The following PCDHA2 variants were observed in gnomAD, a reference collection of about 807,000 sequenced individuals.
The protein encoded by PCDHA2 is protocadherin alpha-2.
In PCDHA2, 58 loss-of-function variants were observed where a neutral mutation model predicts 66.0. The ratio of observed to expected loss-of-function variants is 0.88; its 90% CI spans 0.71 to 1.09. The LOEUF (loss-of-function observed/expected upper bound fraction) is 1.09, where lower values mean the gene tolerates loss of function less well. PCDHA2 is among the 50% of genes least tolerant of loss of function. The probability of loss-of-function intolerance (pLI) is 0.00; values close to 1 mark genes in which losing one functional copy is unlikely to be tolerated. For missense variants in PCDHA2, 1,267 were observed against 1,242.3 expected, an observed-to-expected ratio of 1.02 and a Z score of -0.30; for synonymous variants, 634 against 554.0, an observed-to-expected ratio of 1.14 and a Z score of -2.03.
chr5:140,841,675 T>C (rs2150320492), intron 1 of PCDHA2: 8 of 1,613,878 alleles, frequency 5.0e-6, no homozygotes, highest in East Asian at 2.2e-5. Context: ...AGGTTTTCCA[T>C]GTGGACGTGG....
intron 1 of PCDHA2, among the ~76,000 whole-genome samples, chr5:140,896,506 A>G (rs1231827987): frequency 2.7e-5 from 4 of 150,856 alleles, no homozygotes; most frequent in African/African-American, 9.7e-5. Flanking sequence ...GGGACTGTGC[A>G]GGCACACACC....
In PCDHA2 at chr5:140,807,042, T is replaced by G. The variant is rs528440968; in HGVS notation, c.2388+9690T>G. 1.2e-4 allele frequency: 119 copies of G among 977,288 alleles called. 2 individuals are homozygous for G. In the South Asian group the frequency reaches 1.9e-3, roughly 16 times the overall value. 60.5% of individuals were successfully genotyped at this position (977,288 alleles called of 1,614,324 possible). A position where few individuals can be genotyped will look rare whatever the true frequency, so the allele number is the denominator to read the frequency against. ...GAGAGAAGGAGGAAGAAGGGAAAAT[T>G]CCTTCTATTCTTACTGGAAGGAACC... On this transcript the variant is annotated intron_variant, in intron 1 of 3. Transcript: ENST00000526136.
intron 1 of PCDHA2, among the ~76,000 whole-genome samples, chr5:140,874,637 AC>A (rs1177845104): frequency 4.6e-5 from 7 of 152,256 alleles, no homozygotes; most frequent in African/African-American, 1.7e-4. Flanking sequence ...AAAGTGCTTT[AC>A]TTTTGCTAGA....
intron 1 of PCDHA2, chr5:140,823,348 G>T (rs2150124872): frequency 1.2e-6 from 2 of 1,612,460 alleles, no homozygotes; most frequent in Non-Finnish European, 1.7e-6. Flanking sequence ...GCTGGACCAC[G>T]AGGAAGTGGA....
intron 1 of PCDHA2, among the ~76,000 whole-genome samples, chr5:140,886,840 A>G (rs1175023921): frequency 4.0e-5 from 6 of 151,546 alleles, no homozygotes; most frequent in South Asian, 2.1e-4. Context: ...AAAAAAAAAA[A>G]AAAAAAAGAA....
chr5:140,849,946 C>T (rs2041246534), intron 1 of PCDHA2: 5 of 1,597,770 alleles, frequency 3.1e-6, no homozygotes, highest in East Asian at 2.2e-5. Flanking sequence ...GACGCTGACG[C>T]GCAGGAGAAC....
intron 1 of PCDHA2, chr5:140,969,388 A>G: frequency 6.3e-7 from 1 of 1,595,066 alleles, no homozygotes; most frequent in Non-Finnish European, 8.5e-7. Flanking sequence ...CACATCCCCC[A>G]ATATCCTGTG....
rs556069691 is a variant in PCDHA2 at position 140,951,526 on chromosome 5, G to A, written c.2389-27423G>A. Among the ~76,000 whole-genome samples the A allele has an allele frequency of 7.4e-4, 112 of 152,076 alleles. 1 individual carries two copies. The highest frequency in any genetic ancestry group is 2.6e-3 in the African/African-American group (107 of 41,516). ...GGAAAGCGGCTCATCTTACATGGCC[G>A]GTGCAGGAGCAAGGGACGGGGGGAA... is the stretch of plus-strand genomic sequence containing the variant. On this transcript the variant is annotated intron_variant, in intron 1 of 3. Transcript: ENST00000526136.
At chr5:140,974,827 G>T (rs1356890991) in intron 1 of PCDHA2, among the ~76,000 whole-genome samples, 1 of 152,182 alleles carries the variant, frequency 6.6e-6, no homozygotes. Context: ...GCAACATAAT[G>T]ATTATTTTAA....
intron 1 of PCDHA2, among the ~76,000 whole-genome samples, chr5:140,901,565 G>A (rs1554189898): frequency 6.6e-6 from 1 of 152,062 alleles, no homozygotes; most frequent in African/African-American, 2.4e-5. Context: ...CTATGTGTCT[G>A]TTTTTATGCC....
At chr5:140,982,900 C>G (rs1443607900) in intron 3 of PCDHA2, among the ~76,000 whole-genome samples, 1 of 151,932 alleles carries the variant, frequency 6.6e-6, no homozygotes, top group African/African-American at 2.4e-5. Flanking sequence ...ATCTGGTGGC[C>G]TTATGCACAG....
At chr5:140,943,547 C>T (rs1376489824) in intron 1 of PCDHA2, among the ~76,000 whole-genome samples, 20 of 152,104 alleles carry the variant, frequency 1.3e-4, no homozygotes, top group African/African-American at 4.6e-4. Context: ...TGTAAATAGA[C>T]GTAGACAATA....
intron 1 of PCDHA2, among the ~76,000 whole-genome samples, chr5:140,908,751 C>T (rs1302522906): frequency 6.6e-6 from 1 of 152,170 alleles, no homozygotes; most frequent in Non-Finnish European, 1.5e-5. Context: ...GCAACTTGCA[C>T]ACAGCCTGGA....
At chr5:140,927,725 C>CA in intron 1 of PCDHA2, 1 of 1,614,202 alleles carries the variant, frequency 6.2e-7, no homozygotes, top group Non-Finnish European at 8.5e-7. Context: ...AGCACGCAAG[C>CA]AGAGCTGCGA....
intron 1 of PCDHA2, chr5:140,877,297 T>C (rs782559386): frequency 6.2e-7 from 1 of 1,613,924 alleles, no homozygotes; most frequent in East Asian, 2.2e-5. Context: ...TTGGCTGTCC[T>C]ACGAGTTGCA....
intron 1 of PCDHA2, chr5:140,824,078 T>A: frequency 6.2e-7 from 1 of 1,614,194 alleles, no homozygotes; most frequent in South Asian, 1.1e-5. Flanking sequence ...AAAACAGACC[T>A]CATGGCCTTC....
chr5:140,851,363 A>C lies in PCDHA2; in HGVS notation c.2388+54011A>C. 5 of 979,054 alleles carry C rather than the reference A, an allele frequency of 5.1e-6. 1 individual carries two copies. Among genetic ancestry groups the C allele is most frequent in the Non-Finnish European group, 6.2e-6 (5 of 807,194 alleles). 60.6% of individuals were successfully genotyped at this position (979,054 alleles called of 1,614,324 possible). On this transcript the variant is annotated intron_variant, in intron 1 of 3. Coordinates refer to ENST00000526136, the MANE Select transcript of PCDHA2 (RefSeq NM_018905.3). ...ATTTCTCTGGATGGAGACTGTGAAC[A>C]TCTGATTGTTCAGCAACCTTCAGTA...
At chr5:140,927,133 G>A (rs2083881073) in intron 1 of PCDHA2, 16 of 1,613,984 alleles carry the variant, frequency 9.9e-6, no homozygotes, top group Non-Finnish European at 1.4e-5. Context: ...CAGAGAGCCG[G>A]CGGACCGCGA....
At chr5:141,000,412 TATATATA>T (rs1563651366) in intron 3 of PCDHA2, among the ~76,000 whole-genome samples, 7 of 102,770 alleles carry the variant, frequency 6.8e-5, no homozygotes, top group African/African-American at 2.7e-4. Context: ...TATATATATA[TATATATA>T]TATTTTTTTT....
Sources: allele counts gnomAD v4.1 joint callset (sites outside exome capture counted in the v4.1 genomes callset), GRCh38; gene constraint gnomAD v4.1.1; transcripts MANE v1.5; gene names NCBI Gene and HGNC (gene_info 2026-07-23, HGNC 2026-07-21).